SLC4A4: variants seen among roughly 807,000 people sequenced by gnomAD.
SLC4A4 encodes solute carrier family 4 member 4, also known as electrogenic sodium bicarbonate cotransporter 1.
SLC4A4 carries 27 observed loss-of-function variants against 111.5 expected under a neutral mutation model. The observed-to-expected ratio is 0.24, with a 90% confidence interval of 0.18 to 0.33. The LOEUF is 0.33. Ranked by LOEUF, SLC4A4 falls within the 10% of genes least tolerant of loss-of-function variation. The pLI is 1.00. For synonymous variants in SLC4A4, 443 were observed against 463.4 expected, an observed-to-expected ratio of 0.96 and a Z score of 0.57; for missense variants, 909 against 1,315.5, an observed-to-expected ratio of 0.69 and a Z score of 4.78.
intron 3 of SLC4A4, chr4:71,301,381 C>T (rs1373926481): frequency 5.2e-6 from 1 of 191,188 alleles, no homozygotes; most frequent in Non-Finnish European, 1.1e-5. Context: ...GACTGGTGGC[C>T]CTTGAAGCCA....
chr4:71,443,725 A>G (rs886084157), intron 8 of SLC4A4, among the ~76,000 whole-genome samples: 3 of 152,210 alleles, frequency 2.0e-5, no homozygotes, highest in Non-Finnish European at 4.4e-5. Context: ...GTTATTAAGT[A>G]AGCTCCAGAC....
chr4:71,285,239 A>G (rs1299007479), intron 3 of SLC4A4, among the ~76,000 whole-genome samples: 1 of 152,198 alleles, frequency 6.6e-6, no homozygotes, highest in African/African-American at 2.4e-5. Context: ...TGATGCCGTC[A>G]TTTAGTCAAA....
intron 6 of SLC4A4, among the ~76,000 whole-genome samples, chr4:71,380,005 A>C (rs1717954652): frequency 6.6e-6 from 1 of 152,144 alleles, no homozygotes; most frequent in Admixed American, 6.6e-5. Context: ...ATGGACACTT[A>C]ACCTGAAAGG....
chr4:71,301,644 T>G lies in SLC4A4; in HGVS notation c.254-37726T>G, dbSNP rs528737444. 6.6e-5 allele frequency among the ~76,000 whole-genome samples: 10 copies of G among 152,348 alleles called. No individual in the cohort carries two copies. In the South Asian group the frequency reaches 2.1e-3, roughly 32 times the overall value. ...TTGCATAGTGACTGCAAATAGTCAGTCTTTCAATGTCATCTCCATGTTGGG... is the reference window on the plus strand; with the variant it reads ...TTGCATAGTGACTGCAAATAGTCAGGCTTTCAATGTCATCTCCATGTTGGG... On this transcript the variant is annotated intron_variant, in intron 3 of 25. Transcript: ENST00000264485.
intron 13 of SLC4A4, among the ~76,000 whole-genome samples, chr4:71,468,684 C>A (rs563829731): frequency 6.6e-6 from 1 of 151,370 alleles, no homozygotes; most frequent in East Asian, 2.0e-4. Context: ...GGGTAGATCA[C>A]TATTTCCAAA....
intron 6 of SLC4A4, among the ~76,000 whole-genome samples, chr4:71,387,878 C>T (rs1231340813): frequency 2.0e-5 from 3 of 152,000 alleles, no homozygotes; most frequent in Admixed American, 2.0e-4. Context: ...TGTCTTGGAG[C>T]TGATGTCTAC....
intron 3 of SLC4A4, among the ~76,000 whole-genome samples, chr4:71,331,529 A>G (rs889325012): frequency 6.8e-6 from 1 of 147,928 alleles, no homozygotes; most frequent in Non-Finnish European, 1.5e-5. Flanking sequence ...GGAATTGAAC[A>G]ATGAGAACCC....
intron 3 of SLC4A4, among the ~76,000 whole-genome samples, chr4:71,317,929 G>T (rs1377286): frequency 7.2e-5 from 11 of 151,880 alleles, no homozygotes; most frequent in South Asian, 2.1e-4. Flanking sequence ...CATAATAAGC[G>T]CTATTTATTA....
intron 6 of SLC4A4, among the ~76,000 whole-genome samples, chr4:71,390,617 A>G (rs148205138): frequency 6.6e-6 from 1 of 152,158 alleles, no homozygotes; most frequent in African/African-American, 2.4e-5. Flanking sequence ...TGGAACTGCT[A>G]AGTTGGAAAC....
intron 2 of SLC4A4, among the ~76,000 whole-genome samples, chr4:71,128,100 A>G (rs894431911): frequency 2.6e-5 from 4 of 152,194 alleles, no homozygotes; most frequent in Non-Finnish European, 1.5e-5. Flanking sequence ...TTTTCACGCC[A>G]CTGATAAAGA....
rs373789542 is a variant in SLC4A4, at chr4:71,440,789, A to G, written c.965+16A>G. 10 of 1,613,634 alleles carry G rather than the reference A, an allele frequency of 6.2e-6. No individual in the cohort carries two copies. The highest frequency in any genetic ancestry group is 1.7e-4 in the Middle Eastern group (1 of 5,818). On this transcript the variant is annotated intron_variant, in intron 8 of 25. Coordinates refer to ENST00000264485, the MANE Select transcript of SLC4A4 (RefSeq NM_001098484.3). ...TGCCCACAAGGTAAGCTGCTCTCCTACCTGGGGTCTACAATGTGCTAATAG... is the reference window on the plus strand; with the variant it reads ...TGCCCACAAGGTAAGCTGCTCTCCTGCCTGGGGTCTACAATGTGCTAATAG...
At chr4:71,372,278 C>T (rs1731963714) in intron 6 of SLC4A4, among the ~76,000 whole-genome samples, 1 of 152,188 alleles carries the variant, frequency 6.6e-6, no homozygotes, top group Non-Finnish European at 1.5e-5. Flanking sequence ...GCCTAGAGCT[C>T]TTATCCATTT....
chr4:71,507,728 C>T (rs550270236), intron 16 of SLC4A4, among the ~76,000 whole-genome samples: 6 of 152,292 alleles, frequency 3.9e-5, no homozygotes, highest in Non-Finnish European at 8.8e-5. Context: ...GAACTCAGCT[C>T]TGCATCAGGT....
chr4:71,555,266 C>A, intron 21 of SLC4A4, 58 bp downstream of exon 21: 1 of 1,100,968 alleles, frequency 9.1e-7, no homozygotes, highest in Non-Finnish European at 1.4e-6. Context: ...TAAGAATAGT[C>A]CAGTAACAGA....
At chr4:71,155,473 C>CT (rs1002351391) in intron 2 of SLC4A4, among the ~76,000 whole-genome samples, 14 of 152,070 alleles carry the variant, frequency 9.2e-5, no homozygotes, top group Admixed American at 9.2e-4. Context: ...TTCTTTCTTC[C>CT]TTTTTAAGAT....
chr4:71,101,262 A>G (rs1230478279), intron 2 of SLC4A4, among the ~76,000 whole-genome samples: 1 of 152,180 alleles, frequency 6.6e-6, no homozygotes, highest in African/African-American at 2.4e-5. Flanking sequence ...CCGTCTCAAA[A>G]AAACAAAAAA....
At chr4:71,301,154 G>A (rs556238706) in intron 3 of SLC4A4, 3 of 327,052 alleles carry the variant, frequency 9.2e-6, no homozygotes, top group East Asian at 9.0e-5. Flanking sequence ...ACACGTGGCA[G>A]TAGATAGGAG....
intron 2 of SLC4A4, among the ~76,000 whole-genome samples, chr4:71,140,372 G>T (rs1359922131): frequency 1.3e-5 from 2 of 152,204 alleles, no homozygotes; most frequent in African/African-American, 4.8e-5. Flanking sequence ...AGTGAGCCAT[G>T]ATTGTGCCAC....
At chr4:71,088,341 G>A (rs543545386) in intron 1 of SLC4A4, among the ~76,000 whole-genome samples, 1 of 151,690 alleles carries the variant, frequency 6.6e-6, no homozygotes, top group Non-Finnish European at 1.5e-5. Flanking sequence ...ACACTGATGG[G>A]TCTTGACTCT....
Sources: gnomAD v4.1 joint callset for allele counts (sites outside exome capture counted in the v4.1 genomes callset) on GRCh38, gnomAD v4.1.1 for gene constraint, MANE v1.5 for transcripts, NCBI Gene and HGNC (gene_info 2026-07-23, HGNC 2026-07-21) for gene names.